Variants in PTPRT observed in about 807,000 individuals in gnomAD.
PTPRT encodes the protein receptor-type tyrosine-protein phosphatase T.
Under a neutral mutation model 176.8 loss-of-function variants are expected in PTPRT, and 56 were observed. That is an observed-to-expected ratio of 0.32 (90% CI 0.26 to 0.40). PTPRT has a LOEUF of 0.40. Ranked by LOEUF, PTPRT falls within the 10% of genes least tolerant of loss-of-function variation. The pLI is 1.00. For missense variants in PTPRT, 1,540 were observed against 1,908.2 expected (o/e 0.81, Z 3.60); for synonymous variants, 783 against 739.0 (o/e 1.06, Z -0.96).
At chr20:42,553,809 C>T (rs1417523801) in intron 7 of PTPRT, among the ~76,000 whole-genome samples, 1 of 152,008 alleles carries the variant, frequency 6.6e-6, no homozygotes, top group African/African-American at 2.4e-5. Flanking sequence ...TTGCAGTATT[C>T]CAGGATGGAG....
chr20:42,950,930 C>A (rs1468498627), intron 1 of PTPRT, among the ~76,000 whole-genome samples: 2 of 152,186 alleles, frequency 1.3e-5, no homozygotes, highest in African/African-American at 4.8e-5. Context: ...CGTGTTAACT[C>A]ATGAAAATTG....
intron 16 of PTPRT, among the ~76,000 whole-genome samples, chr20:42,191,392 C>A (rs1202606238): frequency 6.6e-6 from 1 of 152,034 alleles, no homozygotes; most frequent in African/African-American, 2.4e-5. Flanking sequence ...TATTTTAAAC[C>A]CAGGTTTAGG....
intron 2 of PTPRT, among the ~76,000 whole-genome samples, chr20:42,835,693 G>A (rs1053370414): frequency 5.9e-5 from 9 of 151,956 alleles, no homozygotes; most frequent in South Asian, 4.2e-4. Context: ...TATTAACAAC[G>A]ATTATTTTTG....
At chr20:42,896,983 G>A (rs1431542355) in intron 1 of PTPRT, among the ~76,000 whole-genome samples, 1 of 152,150 alleles carries the variant, frequency 6.6e-6, no homozygotes, top group Non-Finnish European at 1.5e-5. Context: ...GGAGAAGTGT[G>A]TGCCGGGGGG....
chr20:43,003,596 A>C (rs913819283), intron 1 of PTPRT, among the ~76,000 whole-genome samples: 9 of 152,202 alleles, frequency 5.9e-5, no homozygotes, highest in African/African-American at 2.2e-4. Context: ...ATTTTTACTT[A>C]TACTTTGTGA....
intron 2 of PTPRT, among the ~76,000 whole-genome samples, chr20:42,869,372 T>C (rs1047475776): frequency 6.6e-6 from 1 of 152,130 alleles, no homozygotes; most frequent in African/African-American, 2.4e-5. Flanking sequence ...TGGGGCTGCC[T>C]GGGTCTTTGG....
At chr20:42,115,434 C>A in intron 21 of PTPRT, 119 bp from the exon 22 acceptor site, 2 of 762,588 alleles carry the variant, frequency 2.6e-6, no homozygotes, top group Middle Eastern at 2.8e-4. Context: ...CCAAGGGTGA[C>A]TTTGGTGGCA....
intron 9 of PTPRT, among the ~76,000 whole-genome samples, chr20:42,368,658 G>A (rs1034082314): frequency 1.3e-5 from 2 of 152,190 alleles, no homozygotes; most frequent in Non-Finnish European, 2.9e-5. Context: ...GTAACTAAAA[G>A]GTGCTGGGTG....
At chr20:42,769,377 A>G (rs755743545) in intron 5 of PTPRT, among the ~76,000 whole-genome samples, 2 of 152,234 alleles carry the variant, frequency 1.3e-5, no homozygotes, top group Non-Finnish European at 2.9e-5. Flanking sequence ...AAATATGTTC[A>G]GTATCATCAG....
At chr20:42,036,508 T>C in the PTPRT span, among the ~76,000 whole-genome samples, 1 of 152,176 alleles carries the variant, frequency 6.6e-6, no homozygotes. Context: ...TCTCCCTGGG[T>C]GTGTCTGATT....
At chr20:42,706,129 GTGTC>G (rs931171507) in intron 6 of PTPRT, among the ~76,000 whole-genome samples, 6 of 151,772 alleles carry the variant, frequency 4.0e-5, no homozygotes, top group African/African-American at 1.2e-4. Context: ...CTGTCTGTCT[GTGTC>G]TGTCTGTCTC....
intron 23 of PTPRT, among the ~76,000 whole-genome samples, chr20:42,108,631 G>C (rs1261327462): frequency 6.9e-6 from 1 of 145,072 alleles, no homozygotes; most frequent in Non-Finnish European, 1.5e-5. Flanking sequence ...AGTAGATGCT[G>C]GTATTAGGAG....
chr20:43,024,521 T>C (rs533308622), intron 1 of PTPRT, among the ~76,000 whole-genome samples: 1 of 143,000 alleles, frequency 7.0e-6, no homozygotes, highest in African/African-American at 2.6e-5. Flanking sequence ...ACCTGGGAGG[T>C]GGAGGTTGCA....
At chr20:42,410,471 C>T (rs1002522070) in intron 9 of PTPRT, among the ~76,000 whole-genome samples, 7 of 151,414 alleles carry the variant, frequency 4.6e-5, no homozygotes, top group Non-Finnish European at 8.9e-5. Context: ...ATATGAAAAT[C>T]CACAACTATA....
chr20:42,777,354 C>T (rs2077152574), intron 4 of PTPRT, among the ~76,000 whole-genome samples: 1 of 152,148 alleles, frequency 6.6e-6, no homozygotes, highest in Admixed American at 6.6e-5. Flanking sequence ...GCCTCTGCAA[C>T]CACTATCTCC....
chr20:43,048,225 G>A (rs1346967094), intron 1 of PTPRT, among the ~76,000 whole-genome samples: 1 of 152,096 alleles, frequency 6.6e-6, no homozygotes, highest in Non-Finnish European at 1.5e-5. Flanking sequence ...AAAAAGAGAG[G>A]AAGGGGTCGC....
chr20:43,025,965 G>A (rs527507407), intron 1 of PTPRT, among the ~76,000 whole-genome samples: 1 of 152,190 alleles, frequency 6.6e-6, no homozygotes, highest in Admixed American at 6.5e-5. Flanking sequence ...TGGAAGAGGA[G>A]GCATCATTCA....
chr20:42,032,833 A>G, the PTPRT span, among the ~76,000 whole-genome samples: 1 of 152,010 alleles, frequency 6.6e-6, no homozygotes, highest in Non-Finnish European at 1.5e-5. Flanking sequence ...GCAATCCTAC[A>G]CCCCCAGAGA....
intron 1 of PTPRT, among the ~76,000 whole-genome samples, chr20:42,949,828 C>A (rs371767733): frequency 6.6e-6 from 1 of 152,174 alleles, no homozygotes; most frequent in African/African-American, 2.4e-5. Context: ...CTCACCCTGG[C>A]CAGAAAAAAT....
Sources: allele counts gnomAD v4.1 joint callset (sites outside exome capture counted in the v4.1 genomes callset), GRCh38; gene constraint gnomAD v4.1.1; transcripts MANE v1.5; gene names NCBI Gene and HGNC (gene_info 2026-07-23, HGNC 2026-07-21).